Variants in CES5A observed in about 807,000 individuals in gnomAD.
CES5A encodes carboxylesterase 5A, also known as carboxylesterase 5.
Under a neutral mutation model 62.9 loss-of-function variants are expected in CES5A, and 67 were observed. That is an observed-to-expected ratio of 1.07 (90% CI 0.88 to 1.31). The LOEUF is 1.31. Ranked by LOEUF, CES5A falls within the 50% of genes most tolerant of loss-of-function variation. The pLI is 0.00. For missense variants in CES5A, 748 were observed against 708.5 expected (o/e 1.06, Z -0.63); for synonymous variants, 296 against 280.8 (o/e 1.05, Z -0.54).
chr16:55,846,976 T>G (rs1282614747), intron 11 of CES5A, 136 bp from the exon 12 acceptor site: 7 of 764,140 alleles, frequency 9.2e-6, no homozygotes, highest in East Asian at 2.5e-5. Context: ...CTGTACCCAT[T>G]TTATACATGC....
chr16:55,900,996 A>T (rs1199423555), intron 1 of CES5A, among the ~76,000 whole-genome samples: 1 of 152,074 alleles, frequency 6.6e-6, no homozygotes, highest in Non-Finnish European at 1.5e-5. Flanking sequence ...CCTCTCTCAT[A>T]CCTAGGCCAG....
chr16:55,954,948 G>T (rs1182560291), intron 1 of CES5A, among the ~76,000 whole-genome samples: 1 of 152,272 alleles, frequency 6.6e-6, no homozygotes, highest in East Asian at 1.9e-4. Context: ...TCTTGGAAAA[G>T]TTCCTTTTCT....
chr16:55,923,948 C>G (rs529092096), intron 1 of CES5A, among the ~76,000 whole-genome samples: 11 of 151,846 alleles, frequency 7.2e-5, no homozygotes, highest in Non-Finnish European at 1.5e-4. Flanking sequence ...GACGAACTCA[C>G]AGTTAAGTTC....
At chr16:55,908,113 G>C (rs1203657185) in intron 1 of CES5A, among the ~76,000 whole-genome samples, 2 of 152,056 alleles carry the variant, frequency 1.3e-5, no homozygotes, top group Admixed American at 6.6e-5. Flanking sequence ...CCCCTGCCCT[G>C]TCTGATTCTT....
rs116921083 is a variant in CES5A, at chr16:55,932,862, C to G, written c.160+16923G>C. ...TTGAAGAACTCTGATCTGGCTGCTGCGTAAAGAATGAATTTGGGGGATACA... is the reference window on the plus strand; with the variant it reads ...TTGAAGAACTCTGATCTGGCTGCTGGGTAAAGAATGAATTTGGGGGATACA... On this transcript the variant is annotated intron_variant, in intron 2 of 13. Transcript: ENST00000521992. 9.1e-4 allele frequency among the ~76,000 whole-genome samples: 138 copies of G among 152,060 alleles called. 2 individuals carry two copies. Among genetic ancestry groups the G allele is most frequent in the Non-Finnish European group, 3.7e-4 (25 of 67,982 alleles).
intron 9 of CES5A, among the ~76,000 whole-genome samples, chr16:55,854,369 A>G: frequency 6.6e-6 from 1 of 151,838 alleles, no homozygotes; most frequent in Non-Finnish European, 1.5e-5. Context: ...ATCAATGAGC[A>G]TCTTCTCCAT....
At chr16:55,932,570 G>T (rs2142470439) in intron 2 of CES5A, among the ~76,000 whole-genome samples, 1 of 139,268 alleles carries the variant, frequency 7.2e-6, no homozygotes. Context: ...GGGGGGGGGA[G>T]GGTGGGCAAC....
At chr16:55,869,297 G>A (rs751675267) in intron 4 of CES5A, among the ~76,000 whole-genome samples, 4 of 152,190 alleles carry the variant, frequency 2.6e-5, no homozygotes, top group African/African-American at 4.8e-5. Context: ...GCAGAAGATC[G>A]AGGCCCTAAA....
chr16:55,911,278 C>T (rs1174275230), intron 1 of CES5A, among the ~76,000 whole-genome samples: 1 of 152,172 alleles, frequency 6.6e-6, no homozygotes, highest in East Asian at 1.9e-4. Context: ...AGCAATTTTC[C>T]TGTAAGTGAG....
intron 2 of CES5A, among the ~76,000 whole-genome samples, chr16:55,943,040 T>C (rs918232641): frequency 2.6e-5 from 4 of 152,176 alleles, no homozygotes; most frequent in African/African-American, 4.8e-5. Flanking sequence ...CCAAGAGAAC[T>C]TCCTGGAGGG....
At chr16:55,874,621 A>G (rs930670285) in intron 1 of CES5A, among the ~76,000 whole-genome samples, 12 of 152,128 alleles carry the variant, frequency 7.9e-5, no homozygotes, top group African/African-American at 2.9e-4. Flanking sequence ...TTCATGGGTG[A>G]AAATTTAAAA....
chr16:55,902,274 A>C (rs965843092), intron 1 of CES5A, among the ~76,000 whole-genome samples: 1 of 152,174 alleles, frequency 6.6e-6, no homozygotes, highest in Non-Finnish European at 1.5e-5. Flanking sequence ...TGGGTAGCAG[A>C]AATTTTCTTA....
chr16:55,909,074 A>G (rs1177186689), intron 1 of CES5A, among the ~76,000 whole-genome samples: 3 of 152,218 alleles, frequency 2.0e-5, no homozygotes, highest in Non-Finnish European at 4.4e-5. Context: ...GAGAGAAGTG[A>G]TGGGATTTGT....
chr16:55,912,300 C>A, intron 1 of CES5A, among the ~76,000 whole-genome samples: 1 of 152,342 alleles, frequency 6.6e-6, no homozygotes, highest in Middle Eastern at 3.4e-3. Context: ...TACATTCCGA[C>A]GACAACAGGT....
chr16:55,869,672 C>A lies in CES5A; in HGVS notation c.490G>T (p.Ala164Ser). The A allele has an allele frequency of 6.2e-7, 1 of 1,613,180 alleles. No individual in the cohort carries two copies. The highest frequency in any genetic ancestry group is 8.5e-7 in the Non-Finnish European group (1 of 1,179,584). ...ACCACAACCAGCACGTCCTCATAGG[C>A]AGCCAGGGCGGACCCATCAAAGATG... Reference protein sequence around the residue: ...ASIFDGSALAAYEDVLVVVVQ... With the variant: ...ASIFDGSALASYEDVLVVVVQ... Residue 164 changes from alanine to serine, a missense_variant, in exon 4 of 13, where the codon GCC (alanine) becomes TCC (serine). Transcript: ENST00000290567.
chr16:55,847,154 G>A (rs545016934), intron 11 of CES5A, among the ~76,000 whole-genome samples: 4 of 151,762 alleles, frequency 2.6e-5, no homozygotes, highest in African/African-American at 9.7e-5. Flanking sequence ...CTCTGTCTCT[G>A]TTTTCTCCTC....
intron 2 of CES5A, among the ~76,000 whole-genome samples, chr16:55,947,756 C>T (rs1169944996): frequency 6.6e-6 from 1 of 151,842 alleles, no homozygotes. Context: ...GCATTTTCAG[C>T]AGGGAGAACT....
intron 1 of CES5A, among the ~76,000 whole-genome samples, chr16:55,884,141 A>G (rs1227167256): frequency 6.6e-6 from 1 of 152,224 alleles, no homozygotes; most frequent in African/African-American, 2.4e-5. Flanking sequence ...CTTCTTTCTA[A>G]GGATCTGGCC....
upstream of CES5A, chr16:55,875,440 T>C: frequency 2.6e-6 from 3 of 1,169,158 alleles, no homozygotes; most frequent in Non-Finnish European, 3.4e-6. Context: ...GATGATTAAC[T>C]ATTGAGCTGG....
Sources: gnomAD v4.1 joint callset for allele counts (sites outside exome capture counted in the v4.1 genomes callset) on GRCh38, gnomAD v4.1.1 for gene constraint, MANE v1.5 for transcripts, NCBI Gene and HGNC (gene_info 2026-07-23, HGNC 2026-07-21) for gene names.